Variants in C1orf159 observed in about 807,000 individuals in gnomAD.
C1orf159 encodes the protein chromosome 1 open reading frame 159.
In C1orf159, 19 loss-of-function variants were observed where a neutral mutation model predicts 25.6. The ratio of observed to expected loss-of-function variants is 0.74; its 90% CI spans 0.52 to 1.09. C1orf159 has a LOEUF of 1.09. Among genes scored for constraint, C1orf159 ranks in the 50% least tolerant of loss-of-function variants. The pLI is 0.00. For synonymous variants in C1orf159, 139 were observed against 124.7 expected (o/e 1.12, Z -0.77); for missense variants, 274 against 290.6 (o/e 0.94, Z 0.42).
intron 3 of C1orf159, chr1:1,090,758 T>G: frequency 1.1e-6 from 1 of 908,274 alleles, no homozygotes; most frequent in South Asian, 1.4e-5. Context: ...AGGCTCTCCA[T>G]CAGGGGTTTC....
At chr1:1,083,822 C>T (rs960496941) in intron 9 of C1orf159, 8 of 1,196,828 alleles carry the variant, frequency 6.7e-6, no homozygotes, top group African/African-American at 4.6e-5. Context: ...GGACGGAGGC[C>T]GGGTGAGCCC....
At position 1,090,348 on chromosome 1, in the gene C1orf159, C is replaced by T; in HGVS notation, c.148+5G>A. The T allele has an allele frequency of 1.9e-6, 3 of 1,550,538 alleles. No homozygotes were observed. Among genetic ancestry groups the T allele is most frequent in the Non-Finnish European group, 2.6e-6 (3 of 1,146,948 alleles). On this transcript the variant is annotated splice_donor_5th_base_variant and intron_variant, in intron 4 of 9. Transcript: ENST00000421241. The stretch of plus-strand genomic sequence containing the variant: ...CTGGAATCTGCTTGGGACAAAGCGG[C>T]TTACCTGGACCACACAGACTTGCGC...
At chr1:1,084,070 TC>T (rs1645787755) in intron 9 of C1orf159, 1 of 1,607,888 alleles carries the variant, frequency 6.2e-7, no homozygotes, top group Middle Eastern at 1.7e-4. Flanking sequence ...GGTCCTCCTT[TC>T]CTGCAGACCC....
chr1:1,090,291 G>C, intron 4 of C1orf159, 62 bp downstream of exon 4: 1 of 1,474,054 alleles, frequency 6.8e-7, no homozygotes, highest in Admixed American at 2.0e-5. Flanking sequence ...GAGGGCCCTG[G>C]GCACACACAC....
chr1:1,095,308 C>T (rs376081757), intron 1 of C1orf159, among the ~76,000 whole-genome samples: 3 of 152,354 alleles, frequency 2.0e-5, no homozygotes, highest in Admixed American at 6.5e-5. Flanking sequence ...CTTTTCATCA[C>T]GGACATGCTG....
intron 1 of C1orf159, among the ~76,000 whole-genome samples, chr1:1,100,431 C>T (rs913215968): frequency 1.3e-5 from 2 of 152,080 alleles, no homozygotes; most frequent in African/African-American, 2.4e-5. Flanking sequence ...CCCCGCTGTG[C>T]CCACCCAGGC....
intron 7 of C1orf159, 123 bp downstream of exon 7, chr1:1,085,755 G>T: frequency 7.8e-7 from 1 of 1,284,538 alleles, no homozygotes; most frequent in Non-Finnish European, 1.1e-6. Context: ...GACAGGCCCT[G>T]CTCCCTCCCG....
intron 9 of C1orf159, chr1:1,083,851 T>C (rs1338119567): frequency 7.0e-7 from 1 of 1,419,682 alleles, no homozygotes; most frequent in African/African-American, 1.4e-5. Context: ...GCCTTGGAGC[T>C]GTGTGGCTGT....
chr1:1,091,737 A>G (rs1345010884), intron 2 of C1orf159, 172 bp from the exon 3 acceptor site: 1 of 332,534 alleles, frequency 3.0e-6, no homozygotes, highest in Non-Finnish European at 6.0e-6. Flanking sequence ...GGCCAAATGG[A>G]AGTGGGCGGG....
chr1:1,104,960 A>C (rs1452224385), intron 1 of C1orf159, among the ~76,000 whole-genome samples: 1 of 152,222 alleles, frequency 6.6e-6, no homozygotes, highest in Non-Finnish European at 1.5e-5. Flanking sequence ...CTTCCAGAGC[A>C]CTTGCCACAT....
At chr1:1,099,457 G>T (rs12753878) in intron 1 of C1orf159, among the ~76,000 whole-genome samples, 19,202 of 108,890 alleles carry the variant, frequency 0.18, 2,963 homozygotes, top group African/African-American at 0.42. Context: ...GTTTTTGGTC[G>T]ATTGTTCTAA....
rs557030242 is a variant in C1orf159, at chr1:1,090,372, G to A, written c.129C>T (p.Gly43=). The A allele has an allele frequency of 1.9e-6, 3 of 1,550,532 alleles. No homozygotes were observed. The highest frequency in any genetic ancestry group is 2.4e-5 in the East Asian group (1 of 40,902). The change falls in exon 4 of 10, where the codon GGC becomes GGT. Residue 43 remains glycine, a synonymous_variant. Coordinates refer to ENST00000421241, the MANE Select transcript of C1orf159 (RefSeq NM_017891.5). ...DVVGVNASCP[G]ASLCGPGCYR... ...GCTTACCTGGACCACACAGACTTGC[G>A]CCTGGGCAGCTGGCGTTGACGCCCA...
intron 9 of C1orf159, chr1:1,083,820 G>C: frequency 8.5e-7 from 1 of 1,173,438 alleles, no homozygotes; most frequent in Non-Finnish European, 1.2e-6. Flanking sequence ...GGGGACGGAG[G>C]CCGGGTGAGC....
intron 1 of C1orf159, among the ~76,000 whole-genome samples, chr1:1,113,919 T>A (rs1369628255): frequency 2.1e-5 from 3 of 146,246 alleles, no homozygotes; most frequent in African/African-American, 7.6e-5. Flanking sequence ...AGGCCTTTTT[T>A]TTTTTTTTTT....
chr1:1,096,685 C>T (rs539808657), intron 1 of C1orf159, among the ~76,000 whole-genome samples: 1 of 152,294 alleles, frequency 6.6e-6, no homozygotes, highest in South Asian at 2.1e-4. Flanking sequence ...TTATCCATTG[C>T]ATTGAAATTG....
At chr1:1,107,052 C>T (rs752253472) in intron 1 of C1orf159, among the ~76,000 whole-genome samples, 34 of 152,236 alleles carry the variant, frequency 2.2e-4, no homozygotes, top group African/African-American at 7.0e-4. Flanking sequence ...CACCCCCGCC[C>T]GTGGGCTCCC....
chr1:1,087,682 G>A lies in C1orf159; in HGVS notation c.149-85C>T. 2 of 1,031,200 alleles carry A rather than the reference G, an allele frequency of 1.9e-6. No homozygotes were observed. The highest frequency in any genetic ancestry group is 5.3e-5 in the East Asian group (2 of 38,058). 63.9% of individuals were successfully genotyped at this position (1,031,200 alleles called of 1,614,324 possible). A position where few individuals can be genotyped will look rare whatever the true frequency, so the allele number is the denominator to read the frequency against. ...CTGGGAATGATTCTCTATTTGAGTT[G>A]GTGAGATAACTTTCATTCCAGATAC... On this transcript the variant is annotated intron_variant, in intron 4 of 9. Transcript: ENST00000421241. The surrounding 1 kb of genome is among the most constrained non-coding windows in gnomAD (Gnocchi z 8.3).
chr1:1,090,926 G>A, intron 3 of C1orf159: 1 of 1,550,408 alleles, frequency 6.4e-7, no homozygotes, highest in South Asian at 1.2e-5. Context: ...GACAGGCCTG[G>A]GGGGCTCAGG....
intron 1 of C1orf159, among the ~76,000 whole-genome samples, chr1:1,111,539 C>T (rs890013112): frequency 6.6e-6 from 1 of 152,100 alleles, no homozygotes; most frequent in African/African-American, 2.4e-5. Context: ...GTCTCAACAA[C>T]AACAACAAAG....
Sources: gnomAD v4.1 joint callset for allele counts (sites outside exome capture counted in the v4.1 genomes callset) on GRCh38, gnomAD v4.1.1 for gene constraint, Gnocchi (gnomAD v3.1) non-coding constraint, MANE v1.5 for transcripts, NCBI Gene and HGNC (gene_info 2026-07-23, HGNC 2026-07-21) for gene names.